EDRF1: variants seen among roughly 807,000 people sequenced by gnomAD.
The protein encoded by EDRF1 is erythroid differentiation-related factor 1.
A neutral mutation model predicts 148.7 loss-of-function variants in EDRF1; 69 were observed. The observed-to-expected ratio is 0.46, with a 90% CI of 0.38 to 0.57. EDRF1 has a LOEUF of 0.57. EDRF1 is among the 20% of genes least tolerant of loss of function. The pLI, the probability that EDRF1 is intolerant of heterozygous loss-of-function variation, is 0.00. For missense variants in EDRF1, 1,118 were observed against 1,478.7 expected, an observed-to-expected ratio of 0.76 and a Z score of 4.00; for synonymous variants, 515 against 532.8, an observed-to-expected ratio of 0.97 and a Z score of 0.46.
chr10:125,738,594 A>G (rs1848854126), intron 15 of EDRF1, 149 bp downstream of exon 15: 4 of 961,728 alleles, frequency 4.2e-6, no homozygotes, highest in Non-Finnish European at 6.3e-6. Context: ...GTATTCTTTC[A>G]TTTGAAATAT....
chr10:125,747,402 A>G (rs1171268236), intron 19 of EDRF1, 134 bp from the exon 20 acceptor site: 2 of 1,022,972 alleles, frequency 2.0e-6, no homozygotes, highest in Non-Finnish European at 3.0e-6. Context: ...TCATTTCCTC[A>G]TAATATTGTC....
intron 1 of EDRF1, 36 bp from the exon 2 acceptor site, chr10:125,721,168 A>C: frequency 6.2e-7 from 1 of 1,603,840 alleles, no homozygotes; most frequent in African/African-American, 1.3e-5. Flanking sequence ...CGTTCTTAGT[A>C]ATTTTCATTA....
intron 15 of EDRF1, 83 bp downstream of exon 15, chr10:125,738,528 G>T: frequency 1.3e-6 from 2 of 1,502,090 alleles, no homozygotes; most frequent in Non-Finnish European, 1.8e-6. Flanking sequence ...TGTCAATTAA[G>T]GCATTAATTG....
intron 17 of EDRF1, chr10:125,742,691 T>C (rs1274661193): frequency 4.1e-6 from 4 of 984,782 alleles, no homozygotes; most frequent in Non-Finnish European, 4.8e-6. Context: ...TTAAAGTTAA[T>C]ATTGGGACAT....
At chr10:125,739,305 G>A (rs1466573507) in intron 15 of EDRF1, among the ~76,000 whole-genome samples, 2 of 152,154 alleles carry the variant, frequency 1.3e-5, no homozygotes, top group Non-Finnish European at 2.9e-5. Context: ...CAGGCAGTAA[G>A]GAGATCACAC....
At chr10:125,750,393 C>A (rs1849580920) in intron 22 of EDRF1, 1 of 152,226 alleles carries the variant, frequency 6.6e-6, no homozygotes, top group Admixed American at 6.5e-5. Context: ...GATACTTCAA[C>A]CACTTAATGA....
At chr10:125,725,572 T>C in intron 5 of EDRF1, 110 bp from the exon 6 acceptor site, 5 of 1,565,620 alleles carry the variant, frequency 3.2e-6, no homozygotes, top group Non-Finnish European at 4.4e-6. Flanking sequence ...CATATTTCTT[T>C]TTTACAAGAT....
At position 125,738,411 on chromosome 10, in the gene EDRF1, G is replaced by C; in HGVS notation, c.1947G>C (p.Gly649=). 2 of 1,614,096 alleles carry C rather than the reference G, an allele frequency of 1.2e-6. No individual in the cohort carries two copies. The highest frequency in any genetic ancestry group is 1.7e-6 in the Non-Finnish European group (2 of 1,179,982). ...EDESSRGGPE[G]LEKQMALFLD... is the part of the protein sequence containing the mutation. ...AATCCTCAAGAGGGGGTCCCGAGGG[G>C]CTAGAGAAGCAGATGGCCTTGTTTT... Residue 649 remains glycine (G), a synonymous_variant, in exon 15 of 25, where the codon GGG becomes GGC. Coordinates refer to ENST00000356792, the MANE Select transcript of EDRF1 (RefSeq NM_001202438.2).
intron 9 of EDRF1, 63 bp downstream of exon 9, chr10:125,730,462 A>G: frequency 1.5e-6 from 2 of 1,373,656 alleles, no homozygotes; most frequent in Non-Finnish European, 2.1e-6. Flanking sequence ...GTTCCTCACC[A>G]AAGTCTTTAC....
At position 125,741,122 on chromosome 10, in the gene EDRF1, A is replaced by C. The variant is rs1290734745; in HGVS notation, c.2292A>C (p.Ala764=). The C allele has an allele frequency of 6.2e-7, 1 of 1,614,172 alleles. No homozygotes were observed. The highest frequency in any genetic ancestry group is 1.3e-5 in the African/African-American group (1 of 75,024). ...MLAQNANNRA[A]HLEEFHYQTK... Reference sequence around the variant, plus strand: ...CCCAGAATGCAAATAATAGAGCAGCACACCTTGAAGAGTTTCATTACCAAA... The same window carrying C: ...CCCAGAATGCAAATAATAGAGCAGCCCACCTTGAAGAGTTTCATTACCAAA... Residue 764 remains alanine (A), a synonymous_variant, in exon 17 of 25, where the codon GCA becomes GCC. Coordinates refer to ENST00000356792, the MANE Select transcript of EDRF1 (RefSeq NM_001202438.2).
chr10:125,742,282 A>C (rs1005606020), intron 17 of EDRF1: 1 of 1,288,886 alleles, frequency 7.8e-7, no homozygotes, highest in Admixed American at 2.3e-5. Context: ...CTCTTACCTC[A>C]GCACAGTGTG....
intron 19 of EDRF1, chr10:125,747,047 C>T (rs1199874597): frequency 6.4e-6 from 1 of 156,006 alleles, no homozygotes; most frequent in Non-Finnish European, 1.4e-5. Context: ...TAAATAAACA[C>T]CAGAAATGTA....
chr10:125,763,000 G>T (rs1010877117), intron 24 of EDRF1, among the ~76,000 whole-genome samples: 6 of 152,064 alleles, frequency 3.9e-5, no homozygotes, highest in Non-Finnish European at 7.3e-5. Flanking sequence ...ATTCCATAAG[G>T]CAGGGGCTTC....
Position 125,728,341 on chromosome 10 carries a change from A to G in EDRF1, c.793-662A>G, listed in dbSNP as rs565317698. On this transcript the variant is annotated intron_variant, in intron 6 of 24. Coordinates refer to ENST00000356792, the MANE Select transcript of EDRF1 (RefSeq NM_001202438.2). Reference sequence around the variant, plus strand: ...ATTATATATTTATTGTTTTAATATCAATAAATATTGTTACTCCACAAAAGT... The same window carrying G: ...ATTATATATTTATTGTTTTAATATCGATAAATATTGTTACTCCACAAAAGT... 7.9e-5 allele frequency among the ~76,000 whole-genome samples: 12 copies of G among 152,312 alleles called. No homozygotes were observed. The South Asian group carries it at 2.5e-3, about 32-fold the overall frequency.
intron 17 of EDRF1, chr10:125,742,692 ATT>A: frequency 2.0e-6 from 2 of 984,864 alleles, no homozygotes; most frequent in Non-Finnish European, 2.4e-6. Context: ...TAAAGTTAAT[ATT>A]GGGACATTAT....
chr10:125,734,244 C>T, intron 12 of EDRF1, 61 bp downstream of exon 12: 1 of 1,277,658 alleles, frequency 7.8e-7, no homozygotes, highest in Non-Finnish European at 1.1e-6. Context: ...GAGATTGTTA[C>T]CTAGACAGTA....
intron 14 of EDRF1, 79 bp downstream of exon 14, chr10:125,738,068 A>C: frequency 6.9e-7 from 1 of 1,456,338 alleles, no homozygotes; most frequent in Admixed American, 1.7e-5. Context: ...GTTGGTATCT[A>C]AATGTTATTC....
rs150656675 is a variant in EDRF1 at position 125,734,540 on chromosome 10, C to G, written c.1497+357C>G. On this transcript the variant is annotated intron_variant, in intron 12 of 24. Coordinates refer to ENST00000356792, the MANE Select transcript of EDRF1 (RefSeq NM_001202438.2). ...TATGTGACTCATGTTACATTTCTCT[C>G]AGACAGCACTGCTCAATGAATTTAG... 4.9e-3 allele frequency among the ~76,000 whole-genome samples: 744 copies of G among 152,256 alleles called. 1 individual carries two copies. The highest frequency in any genetic ancestry group is 0.017 in the African/African-American group (700 of 41,574).
rs1039383150 is a variant in EDRF1 at position 125,730,492 on chromosome 10, G to C, written c.1128+93G>C. On this transcript the variant is annotated intron_variant, in intron 9 of 24. Coordinates refer to ENST00000356792, the MANE Select transcript of EDRF1 (RefSeq NM_001202438.2). ...CTTTACGGCCCTGAAGTACTAAGGT[G>C]CATTTTTGCCAGGGAAGATAGCTGT... 4.1e-5 allele frequency: 41 copies of C among 992,232 alleles called. No individual in the cohort carries two copies. The African/African-American group carries it at 5.7e-4, about 14-fold the overall frequency. 61.5% of individuals were successfully genotyped at this position (992,232 alleles called of 1,614,324 possible). A position where few individuals can be genotyped will look rare whatever the true frequency, so the allele number is the denominator to read the frequency against.
Sources: allele counts gnomAD v4.1 joint callset (sites outside exome capture counted in the v4.1 genomes callset), GRCh38; gene constraint gnomAD v4.1.1; transcripts MANE v1.5; gene names NCBI Gene and HGNC (gene_info 2026-07-23, HGNC 2026-07-21).